LHX2: variants seen among roughly 807,000 people sequenced by gnomAD.
LHX2 encodes LIM homeobox 2.
Under a neutral mutation model 33.0 loss-of-function variants are expected in LHX2, and 6 were observed. That is an observed-to-expected ratio of 0.18 (90% CI 0.10 to 0.36). The LOEUF is 0.36. LHX2 is among the 10% of genes least tolerant of loss of function. The pLI is 1.00. For missense variants in LHX2, 442 were observed against 586.2 expected (o/e 0.75, Z 2.54); for synonymous variants, 292 against 253.1 (o/e 1.15, Z -1.46).
chr9:124,017,229 T>A (rs1011909899), intron 3 of LHX2, among the ~76,000 whole-genome samples: 1 of 152,132 alleles, frequency 6.6e-6, no homozygotes, highest in Non-Finnish European at 1.5e-5. Context: ...CTCCGTCCTT[T>A]CTCTCTATCT....
chr9:124,014,234 C>T lies in LHX2; in HGVS notation c.323+71C>T, dbSNP rs950247000. 2 of 1,106,696 alleles carry T rather than the reference C, an allele frequency of 1.8e-6. No homozygotes were observed. Among genetic ancestry groups the T allele is most frequent in the Middle Eastern group, 2.3e-4 (1 of 4,416 alleles). The allele number at this position is 1,106,696 out of a possible 1,614,324, so 68.6% of individuals were successfully genotyped here. A position where few individuals can be genotyped will look rare whatever the true frequency, so the allele number is the denominator to read the frequency against. On this transcript the variant is annotated intron_variant, in intron 2 of 4. Transcript: ENST00000373615. This position sits in a 1 kb window ranked among gnomAD's most constrained non-coding sequence, Gnocchi z 4.8. Reference sequence around the variant, plus strand: ...TCAGGCACAGTCTTACAGTTTGGCCCTCTCCTTTCCGTTTAGTCCCAGGAG... The same window carrying T: ...TCAGGCACAGTCTTACAGTTTGGCCTTCTCCTTTCCGTTTAGTCCCAGGAG...
chr9:124,012,454 G>A lies in LHX2; in HGVS notation c.106G>A (p.Gly36Ser), dbSNP rs1200510281. The change falls in exon 1 of 5, where the codon GGC (glycine) becomes AGC (serine). Residue 36 changes from glycine to serine, a missense_variant. Coordinates refer to ENST00000373615, the MANE Select transcript of LHX2 (RefSeq NM_004789.4). The surrounding 1 kb of genome is among the most constrained non-coding windows in gnomAD (Gnocchi z 4.3). Reference protein sequence around the residue: ...APAISSAIDRGDTETTMPSIS... With the variant: ...APAISSAIDRSDTETTMPSIS... ...CGCCATCAGCTCCGCCATCGACCGC[G>A]GCGACACCGAGACGGTAGGCGCGCG... The A allele has an allele frequency of 1.3e-5, 20 of 1,544,542 alleles. No homozygotes were observed. Among genetic ancestry groups the A allele is most frequent in the Non-Finnish European group, 1.6e-5 (18 of 1,153,232 alleles).
intron 4 of LHX2, among the ~76,000 whole-genome samples, chr9:124,028,116 G>A (rs747565538): frequency 5.3e-5 from 8 of 152,178 alleles, no homozygotes; most frequent in Non-Finnish European, 8.8e-5. Flanking sequence ...TTTGCTGGGG[G>A]CAAAGTGGGT....
At chr9:124,020,206 T>A (rs369121214) in intron 3 of LHX2, among the ~76,000 whole-genome samples, 22 of 152,184 alleles carry the variant, frequency 1.4e-4, no homozygotes, top group African/African-American at 5.1e-4. Flanking sequence ...CTCTGAGAGG[T>A]AATGATGTAC....
At position 124,032,414 on chromosome 9, in the gene LHX2, C is replaced by A. The variant is rs1483106598; in HGVS notation, c.934-6C>A. 3 of 1,579,914 alleles carry A rather than the reference C, an allele frequency of 1.9e-6. No individual in the cohort carries two copies. In the East Asian group the frequency reaches 6.8e-5, roughly 36 times the overall value. ...CTCACCAGCCCTTCCCTGTCGTCCC[C>A]CGCAGGTCTGGTTCCAGAACGCCCG... On this transcript the variant is annotated splice_polypyrimidine_tract_variant and splice_region_variant and intron_variant, in intron 4 of 4. Coordinates refer to ENST00000373615, the MANE Select transcript of LHX2 (RefSeq NM_004789.4). The surrounding 1 kb of genome is among the most constrained non-coding windows in gnomAD (Gnocchi z 4.1).
Position 124,014,065 on chromosome 9 carries a change from G to T in LHX2, c.225G>T (p.Met75Ile). ...YLLAVDKQWHMRCLKCCECKL... is the reference protein window; with the variant it reads ...YLLAVDKQWHIRCLKCCECKL... ...TGGCGGTGGACAAGCAGTGGCACAT[G>T]CGCTGCCTCAAGTGCTGCGAGTGCA... Residue 75 changes from methionine to isoleucine, a missense_variant, in exon 2 of 5, where the codon ATG (methionine) becomes ATT (isoleucine). Physicochemically the swap from Met to Ile is conservative, Grantham distance 10. Around this residue, in one of 5 missense-constraint regions of LHX2, gnomAD observed 72 missense variants for 171.6 expected, o/e 0.42. Transcript: ENST00000373615. The surrounding 1 kb of genome is among the most constrained non-coding windows in gnomAD (Gnocchi z 4.8). 2 of 1,613,682 alleles carry T rather than the reference G, an allele frequency of 1.2e-6. No individual in the cohort carries two copies. Among genetic ancestry groups the T allele is most frequent in the Non-Finnish European group, 8.5e-7 (1 of 1,180,030 alleles).
At position 124,032,257 on chromosome 9, in the gene LHX2, A is replaced by C; in HGVS notation, c.934-163A>C. On this transcript the variant is annotated intron_variant, in intron 4 of 4. Coordinates refer to ENST00000373615, the MANE Select transcript of LHX2 (RefSeq NM_004789.4). The surrounding 1 kb of genome is among the most constrained non-coding windows in gnomAD (Gnocchi z 4.1). ...ACCCTGTCTGCAAACAAAAACAAAA[A>C]CAAAAAAACCAAAAAAGCAAAATAT... 2 of 795,986 alleles carry C rather than the reference A, an allele frequency of 2.5e-6. No homozygotes were observed. Among genetic ancestry groups the C allele is most frequent in the Non-Finnish European group, 3.8e-6 (2 of 525,042 alleles). The allele number at this position is 795,986 out of a possible 1,614,324, so 49.3% of individuals were successfully genotyped here. A position where few individuals can be genotyped will look rare whatever the true frequency, so the allele number is the denominator to read the frequency against.
chr9:124,013,381 C>G (rs1173154290), intron 1 of LHX2, among the ~76,000 whole-genome samples: 1 of 152,222 alleles, frequency 6.6e-6, no homozygotes, highest in African/African-American at 2.4e-5. Flanking sequence ...CTGCACCCCA[C>G]TTACCTCATC....
At chr9:124,030,347 C>G (rs541789441) in intron 4 of LHX2, among the ~76,000 whole-genome samples, 1 of 152,194 alleles carries the variant, frequency 6.6e-6, no homozygotes, top group African/African-American at 2.4e-5. Flanking sequence ...TCTGGAAATG[C>G]GCAACTGGAC....
Position 124,014,996 on chromosome 9 carries a change from A to G in LHX2, c.324-126A>G. On this transcript the variant is annotated intron_variant, in intron 2 of 4. Transcript: ENST00000373615. The surrounding 1 kb of genome is among the most constrained non-coding windows in gnomAD (Gnocchi z 4.8). ...AGTTCTCTCTCCCCCCCATCCTCCA[A>G]ATAAAGGCCGGGTTGTTCGTCTTGA... 1 of 1,101,238 alleles carries G rather than the reference A, an allele frequency of 9.1e-7. No individual in the cohort carries two copies. The highest frequency in any genetic ancestry group is 1.3e-6 in the Non-Finnish European group (1 of 770,582). 68.2% of individuals were successfully genotyped at this position (1,101,238 alleles called of 1,614,324 possible). A position where few individuals can be genotyped will look rare whatever the true frequency, so the allele number is the denominator to read the frequency against.
At chr9:124,017,864 C>G (rs999316972) in intron 3 of LHX2, among the ~76,000 whole-genome samples, 3 of 152,072 alleles carry the variant, frequency 2.0e-5, no homozygotes, top group East Asian at 3.9e-4. Context: ...GCCCGGGCCC[C>G]GGTGGAACGG....
At chr9:124,018,091 C>T (rs1323107116) in intron 3 of LHX2, among the ~76,000 whole-genome samples, 1 of 151,970 alleles carries the variant, frequency 6.6e-6, no homozygotes, top group Non-Finnish European at 1.5e-5. Context: ...GATTCCAATC[C>T]ATTATTTAGA....
chr9:124,013,740 G>A (rs1478322946), intron 1 of LHX2, among the ~76,000 whole-genome samples: 4 of 152,286 alleles, frequency 2.6e-5, no homozygotes, highest in African/African-American at 9.6e-5. Context: ...GCCTGGGCCC[G>A]TGGCTGGCGA....
Position 124,032,361 on chromosome 9 carries a change from G to A in LHX2, c.934-59G>A. ...AGGCAGCAGAGCTCTGAGTGAAGCA[G>A]TCGGGGGGATGCTCTGCCTGCCTTC... On this transcript the variant is annotated intron_variant, in intron 4 of 4. Coordinates refer to ENST00000373615, the MANE Select transcript of LHX2 (RefSeq NM_004789.4). The surrounding 1 kb of genome is among the most constrained non-coding windows in gnomAD (Gnocchi z 4.1). 6.7e-7 allele frequency: 1 copy of A among 1,503,680 alleles called. No homozygotes were observed. The highest frequency in any genetic ancestry group is 8.9e-7 in the Non-Finnish European group (1 of 1,121,878). The allele number at this position is 1,503,680 out of a possible 1,614,324, so 93.1% of individuals were successfully genotyped here.
rs1859146971 is a variant in LHX2, at chr9:124,014,284, C to T, written c.323+121C>T. The T allele has an allele frequency of 4.7e-6, 3 of 634,484 alleles. No homozygotes were observed. Among genetic ancestry groups the T allele is most frequent in the Non-Finnish European group, 8.8e-6 (3 of 340,700 alleles). 39.3% of individuals were successfully genotyped at this position (634,484 alleles called of 1,614,324 possible). A position where few individuals can be genotyped will look rare whatever the true frequency, so the allele number is the denominator to read the frequency against. On this transcript the variant is annotated intron_variant, in intron 2 of 4. Coordinates refer to ENST00000373615, the MANE Select transcript of LHX2 (RefSeq NM_004789.4). This position sits in a 1 kb window ranked among gnomAD's most constrained non-coding sequence, Gnocchi z 4.8. Reference sequence around the variant, plus strand: ...GAGGGTTCACTACTCAGGACTCCCCCGCTCCCCCCCCAAGTTCTCCAAGCC... The same window carrying T: ...GAGGGTTCACTACTCAGGACTCCCCTGCTCCCCCCCCAAGTTCTCCAAGCC...
Position 124,031,411 on chromosome 9 carries a change from GGGGTTTATT to G in LHX2, c.934-1007_934-999del, listed in dbSNP as rs1828702597. On this transcript the variant is annotated intron_variant, in intron 4 of 4. Transcript: ENST00000373615. ...AAACATTTTACCAACAAGAACTTGT[GGGGTTTATT>G]GTCTGCTGAAAGGCAACTGCCAAAA... Among the ~76,000 whole-genome samples, 3 of 151,894 alleles carry G rather than the reference GGGGTTTATT, an allele frequency of 2.0e-5. No homozygotes were observed. The South Asian group carries it at 6.2e-4, about 32-fold the overall frequency.
intron 4 of LHX2, among the ~76,000 whole-genome samples, chr9:124,026,712 C>T: frequency 6.6e-6 from 1 of 152,174 alleles, no homozygotes; most frequent in East Asian, 1.9e-4. Context: ...TTTGTCTAAT[C>T]TAACATTTCC....
intron 4 of LHX2, among the ~76,000 whole-genome samples, chr9:124,031,089 G>A (rs1407834207): frequency 2.6e-5 from 4 of 152,122 alleles, no homozygotes; most frequent in Admixed American, 1.3e-4. Context: ...CCAGCTCTGC[G>A]CCCCGCCGCA....
At chr9:124,031,549 T>A (rs1461744143) in intron 4 of LHX2, 2 of 152,180 alleles carry the variant, frequency 1.3e-5, no homozygotes, top group African/African-American at 4.8e-5. Context: ...AAATGCAACA[T>A]GAGGCACACA....
Sources: allele counts gnomAD v4.1 joint callset (sites outside exome capture counted in the v4.1 genomes callset), GRCh38; gene constraint gnomAD v4.1.1; regional missense constraint gnomAD v4.1.1; non-coding constraint Gnocchi (gnomAD v3.1); transcripts MANE v1.5; gene names NCBI Gene and HGNC (gene_info 2026-07-23, HGNC 2026-07-21).